The following SIL1 variants were observed in gnomAD, a reference collection of about 807,000 sequenced individuals.
SIL1 encodes nucleotide exchange factor SIL1.
A neutral mutation model predicts 49.1 loss-of-function variants in SIL1; 40 were observed. The ratio of observed to expected loss-of-function variants is 0.81; its 90% CI spans 0.63 to 1.06. SIL1 has a LOEUF of 1.06. Ranked by LOEUF, SIL1 falls within the 50% of genes least tolerant of loss-of-function variation. The pLI, the probability that SIL1 is intolerant of heterozygous loss-of-function variation, is 0.00. For synonymous variants in SIL1, 253 were observed against 250.8 expected, an observed-to-expected ratio of 1.01 and a Z score of -0.08; for missense variants, 500 against 572.6, an observed-to-expected ratio of 0.87 and a Z score of 1.29.
chr5:139,159,200 C>G (rs1210513787), intron 1 of SIL1, among the ~76,000 whole-genome samples: 1 of 152,180 alleles, frequency 6.6e-6, no homozygotes, highest in Non-Finnish European at 1.5e-5. Context: ...CTGATGCCAT[C>G]CAATTCCAAA....
At chr5:139,038,739 C>T (rs6867343) in intron 5 of SIL1, among the ~76,000 whole-genome samples, 63,691 of 151,944 alleles carry the variant, frequency 0.42, 14,180 homozygotes, top group African/African-American at 0.58. Flanking sequence ...ACCACTTTGG[C>T]GGGAGAATCG....
At chr5:139,106,151 G>A (rs564967152) in intron 3 of SIL1, among the ~76,000 whole-genome samples, 1 of 152,280 alleles carries the variant, frequency 6.6e-6, no homozygotes, top group South Asian at 2.1e-4. Flanking sequence ...ATAGCAAAAG[G>A]CTTGATTTCC....
At chr5:138,957,986 T>C (rs1766938081) in intron 7 of SIL1, among the ~76,000 whole-genome samples, 1 of 151,710 alleles carries the variant, frequency 6.6e-6, no homozygotes, top group Non-Finnish European at 1.5e-5. Flanking sequence ...GAACTCCTCC[T>C]AGCTTCAAGC....
chr5:139,171,112 T>C (rs968204029), intron 1 of SIL1, among the ~76,000 whole-genome samples: 23 of 148,876 alleles, frequency 1.5e-4, no homozygotes, highest in Admixed American at 1.1e-3. Context: ...AGCCGCCCCG[T>C]CCGGGAGGTG....
At chr5:139,090,555 G>A (rs1374463467) in intron 3 of SIL1, among the ~76,000 whole-genome samples, 1 of 152,158 alleles carries the variant, frequency 6.6e-6, no homozygotes, top group Non-Finnish European at 1.5e-5. Flanking sequence ...TTCAAAAACA[G>A]ACCCAACTGC....
intron 7 of SIL1, among the ~76,000 whole-genome samples, chr5:138,962,200 G>A (rs527749750): frequency 1.8e-4 from 28 of 152,000 alleles, no homozygotes; most frequent in Middle Eastern, 6.9e-3. Flanking sequence ...TTTCAATTGA[G>A]AAAGCCTCTT....
Position 138,951,250 on chromosome 5 carries a change from C to A in SIL1, c.950G>T (p.Arg317Met). 1 of 1,598,414 alleles carries A rather than the reference C, an allele frequency of 6.3e-7. No individual in the cohort carries two copies. Among genetic ancestry groups the A allele is most frequent in the East Asian group, 2.3e-5 (1 of 44,148 alleles). ...CGTGCCCTTCTCCTGCACCAGGGTC[C>A]TCAGGACCTGCAGCCCCCCGAGCTT... is the stretch of plus-strand genomic sequence containing the variant. ...FLKLGGLQVL[R>M]TLVQEKGTEV... The change falls in exon 9 of 10, where the codon AGG becomes ATG. Residue 317 changes from arginine to methionine, a missense_variant. Coordinates refer to ENST00000394817, the MANE Select transcript of SIL1 (RefSeq NM_022464.5).
chr5:139,165,993 T>C (rs964803196), intron 1 of SIL1, among the ~76,000 whole-genome samples: 1 of 152,118 alleles, frequency 6.6e-6, no homozygotes. Context: ...GATTGATGTC[T>C]TGTGCCTCCC....
intron 7 of SIL1, among the ~76,000 whole-genome samples, chr5:138,975,112 T>C (rs1171845593): frequency 6.6e-6 from 1 of 152,180 alleles, no homozygotes; most frequent in Non-Finnish European, 1.5e-5. Flanking sequence ...ATTTTTAGTA[T>C]AATACTGTCT....
At chr5:139,073,740 G>A (rs1447130348) in intron 3 of SIL1, among the ~76,000 whole-genome samples, 4 of 151,970 alleles carry the variant, frequency 2.6e-5, no homozygotes, top group Admixed American at 6.6e-5. Flanking sequence ...TCAGGAGTTT[G>A]AGACCAGCCT....
At chr5:138,959,851 G>A (rs372925225) in intron 7 of SIL1, among the ~76,000 whole-genome samples, 1 of 152,200 alleles carries the variant, frequency 6.6e-6, no homozygotes, top group African/African-American at 2.4e-5. Context: ...CTAGATTTTT[G>A]TTAGTAGCCT....
At chr5:139,161,777 G>T (rs2151810859) in intron 1 of SIL1, among the ~76,000 whole-genome samples, 1 of 152,252 alleles carries the variant, frequency 6.6e-6, no homozygotes, top group Non-Finnish European at 1.5e-5. Context: ...ACCACTTTGG[G>T]AGGCTGAGGT....
rs1301392333 is a variant in SIL1, at chr5:138,982,001, A to T, written c.768-30117T>A. 3.9e-5 allele frequency among the ~76,000 whole-genome samples: 6 copies of T among 152,192 alleles called. No homozygotes were observed. The East Asian group carries it at 1.2e-3, about 29-fold the overall frequency. ...CCAAGCCTCAGTTTCTCCATGCATA[A>T]AATGGAAATAGTAATTGTCTTTACT... is the stretch of plus-strand genomic sequence containing the variant. On this transcript the variant is annotated intron_variant, in intron 7 of 9. Coordinates refer to ENST00000394817, the MANE Select transcript of SIL1 (RefSeq NM_022464.5).
intron 7 of SIL1, among the ~76,000 whole-genome samples, chr5:138,963,210 A>C (rs1767063270): frequency 6.6e-6 from 1 of 152,142 alleles, no homozygotes; most frequent in Non-Finnish European, 1.5e-5. Context: ...TGGCCCACAC[A>C]ATCCTTGCTC....
At chr5:139,049,473 G>A (rs1292791668) in intron 4 of SIL1, among the ~76,000 whole-genome samples, 2 of 149,276 alleles carry the variant, frequency 1.3e-5, no homozygotes, top group Non-Finnish European at 3.0e-5. Context: ...CACCACGCCC[G>A]ACCTGCAAAA....
At chr5:139,035,223 C>A in intron 5 of SIL1, 1 of 445,564 alleles carries the variant, frequency 2.2e-6, no homozygotes, top group South Asian at 1.9e-5. Context: ...ATCAACACTG[C>A]AGCCCACAAA....
At chr5:139,021,355 C>G in intron 6 of SIL1, 63 bp from the exon 7 acceptor site, 3 of 1,600,032 alleles carry the variant, frequency 1.9e-6, no homozygotes, top group Non-Finnish European at 2.6e-6. Flanking sequence ...GTTCTTAGAG[C>G]CTTTCTTTTG....
In SIL1 at chr5:138,947,233, T is replaced by A. The variant is rs966935184; in HGVS notation, c.1270A>T (p.Ser424Cys). The A allele has an allele frequency of 6.2e-7, 1 of 1,613,214 alleles. No individual in the cohort carries two copies. The highest frequency in any genetic ancestry group is 8.5e-7 in the Non-Finnish European group (1 of 1,179,958). The change falls in exon 10 of 10, where the codon AGC (serine) becomes TGC (cysteine). Residue 424 changes from serine (S) to cysteine (C), a missense_variant. By Grantham distance (112) the Ser-to-Cys change is moderately radical. Coordinates refer to ENST00000394817, the MANE Select transcript of SIL1 (RefSeq NM_022464.5). This position sits in a 1 kb window ranked among gnomAD's most constrained non-coding sequence, Gnocchi z 4.1. Reference sequence around the variant, plus strand: ...AGCACCTGGTACTCAGCCTGCAGGCTGGCCAGTGTCCTGCCGAGCTGGGGG... The same window carrying A: ...AGCACCTGGTACTCAGCCTGCAGGCAGGCCAGTGTCCTGCCGAGCTGGGGG... ...QDPQLGRTLA[S>C]LQAEYQVLAS...
intron 7 of SIL1, among the ~76,000 whole-genome samples, chr5:138,969,526 C>T (rs1489336879): frequency 6.6e-6 from 1 of 152,230 alleles, no homozygotes; most frequent in Non-Finnish European, 1.5e-5. Flanking sequence ...ATACTCCACG[C>T]TCCACCAACC....
Sources: allele counts gnomAD v4.1 joint callset (sites outside exome capture counted in the v4.1 genomes callset), GRCh38; gene constraint gnomAD v4.1.1; non-coding constraint Gnocchi (gnomAD v3.1); transcripts MANE v1.5; gene names NCBI Gene and HGNC (gene_info 2026-07-23, HGNC 2026-07-21).